The following OOSP4B variants were observed in gnomAD, a reference collection of about 807,000 sequenced individuals.
The protein encoded by OOSP4B is oocyte secreted protein family member 4B.
intron 1 of OOSP4B, among the ~76,000 whole-genome samples, chr11:60,020,305 G>C (rs1427301733): frequency 6.6e-6 from 1 of 152,146 alleles, no homozygotes; most frequent in Non-Finnish European, 1.5e-5. Flanking sequence ...CCCTGGAGCA[G>C]GGGGCCCCCG....
At chr11:60,021,223 C>T (rs186202998) in intron 1 of OOSP4B, among the ~76,000 whole-genome samples, 3 of 152,180 alleles carry the variant, frequency 2.0e-5, no homozygotes, top group South Asian at 2.1e-4. Context: ...AAATGCAAAC[C>T]GAGTCAATAG....
chr11:60,023,003 T>C (rs1233615397), intron 1 of OOSP4B, among the ~76,000 whole-genome samples: 3 of 152,238 alleles, frequency 2.0e-5, no homozygotes, highest in Non-Finnish European at 4.4e-5. Context: ...ATAAAGACCA[T>C]TAAATTGTTT....
intron 1 of OOSP4B, 69 bp from the exon 2 acceptor site, chr11:60,023,811 G>A (rs1035241128): frequency 2.5e-6 from 1 of 397,840 alleles, no homozygotes; most frequent in South Asian, 1.3e-4. Flanking sequence ...TTGTCTGTCA[G>A]CACTGATAGT....
chr11:60,026,890 T>C (rs1854750767), intron 3 of OOSP4B, among the ~76,000 whole-genome samples: 1 of 152,228 alleles, frequency 6.6e-6, no homozygotes, highest in South Asian at 2.1e-4. Flanking sequence ...ATCGACAGTG[T>C]TGCTACATCA....
intron 3 of OOSP4B, among the ~76,000 whole-genome samples, chr11:60,029,221 C>A (rs1854778947): frequency 6.6e-6 from 1 of 152,132 alleles, no homozygotes; most frequent in African/African-American, 2.4e-5. Context: ...GACGAGCAAA[C>A]CACATTCCTT....
intron 3 of OOSP4B, among the ~76,000 whole-genome samples, chr11:60,025,610 T>C (rs143355225): frequency 6.6e-6 from 1 of 152,340 alleles, no homozygotes; most frequent in African/African-American, 2.4e-5. Flanking sequence ...CAGTAGCTTG[T>C]TTCTTTATAT....
chr11:60,020,257 G>A (rs886601299), intron 1 of OOSP4B, among the ~76,000 whole-genome samples: 6 of 152,318 alleles, frequency 3.9e-5, no homozygotes, highest in Middle Eastern at 3.4e-3. Flanking sequence ...CAGTGTGCCC[G>A]CACTCCTCAG....
chr11:60,025,812 A>G (rs908638966), intron 3 of OOSP4B, among the ~76,000 whole-genome samples: 1 of 152,206 alleles, frequency 6.6e-6, no homozygotes, highest in Non-Finnish European at 1.5e-5. Context: ...GTAAGAAATG[A>G]TGAATATTTT....
At chr11:60,028,268 C>T (rs971776219) in intron 3 of OOSP4B, among the ~76,000 whole-genome samples, 9 of 151,676 alleles carry the variant, frequency 5.9e-5, no homozygotes, top group East Asian at 2.0e-4. Context: ...TGGGTTCAAG[C>T]GATTCTCCTG....
intron 1 of OOSP4B, among the ~76,000 whole-genome samples, chr11:60,018,756 T>G (rs755581199): frequency 7.9e-5 from 12 of 152,222 alleles, no homozygotes; most frequent in Non-Finnish European, 1.6e-4. Context: ...GATCTTTCTT[T>G]GAGATTTCAA....
chr11:60,020,106 C>T (rs926899490), intron 1 of OOSP4B, among the ~76,000 whole-genome samples: 1 of 152,216 alleles, frequency 6.6e-6, no homozygotes, highest in Non-Finnish European at 1.5e-5. Flanking sequence ...GAGCTAGATA[C>T]AGAGTGCCGA....
At chr11:60,027,337 G>T (rs1854754542) in intron 3 of OOSP4B, among the ~76,000 whole-genome samples, 1 of 152,044 alleles carries the variant, frequency 6.6e-6, no homozygotes, top group Non-Finnish European at 1.5e-5. Context: ...GTAGTCTTTG[G>T]TTTTTTAAAG....
chr11:60,025,041 T>G (rs774202986), intron 3 of OOSP4B, 36 bp downstream of exon 3: 1 of 398,042 alleles, frequency 2.5e-6, no homozygotes. Flanking sequence ...ATTCTTAAAT[T>G]TATTATTTGG....
At chr11:60,027,311 G>A (rs1194909903) in intron 3 of OOSP4B, among the ~76,000 whole-genome samples, 4 of 152,042 alleles carry the variant, frequency 2.6e-5, no homozygotes, top group Non-Finnish European at 5.9e-5. Context: ...TCTCTTGCCT[G>A]GCTAAGATTT....
exon 4 of OOSP4B, chr11:60,029,910 A>G (rs773426459): frequency 2.5e-6 from 1 of 398,414 alleles, no homozygotes; most frequent in Non-Finnish European, 4.4e-6. Flanking sequence ...TGGACACTTA[A>G]TTTTAACAGT....
At chr11:60,027,980 A>G (rs911643994) in intron 3 of OOSP4B, among the ~76,000 whole-genome samples, 1 of 151,704 alleles carries the variant, frequency 6.6e-6, no homozygotes, top group Non-Finnish European at 1.5e-5. Context: ...GATCATGGAA[A>G]GAAGTGGTAC....
At chr11:60,031,075 A>C (rs563133008) in exon 5 of OOSP4B, 25 of 359,214 alleles carry the variant, frequency 7.0e-5, no homozygotes, top group African/African-American at 4.2e-4. Context: ...GCTCATACAT[A>C]ATAAAGCTTG....
chr11:60,022,107 G>T (rs1165254365), intron 1 of OOSP4B: 1 of 152,066 alleles, frequency 6.6e-6, no homozygotes, highest in Non-Finnish European at 1.5e-5. Context: ...CAGGCTTGTG[G>T]TCTAACATAT....
intron 3 of OOSP4B, among the ~76,000 whole-genome samples, chr11:60,026,577 A>G (rs983738935): frequency 3.9e-5 from 6 of 152,164 alleles, no homozygotes; most frequent in African/African-American, 1.2e-4. Context: ...TTCTCACTAT[A>G]TCCTTATACT....
Sources: allele counts gnomAD v4.1 joint callset (sites outside exome capture counted in the v4.1 genomes callset), GRCh38; gene constraint gnomAD v4.1.1; transcripts MANE v1.5; gene names NCBI Gene and HGNC (gene_info 2026-07-23, HGNC 2026-07-21).